Variants in PHKA1 observed in about 807,000 individuals in gnomAD.
PHKA1 encodes phosphorylase b kinase regulatory subunit alpha, skeletal muscle isoform.
PHKA1 carries 60 observed loss-of-function variants against 110.2 expected under a neutral mutation model. The ratio of observed to expected loss-of-function variants is 0.54; its 90% CI spans 0.44 to 0.68. PHKA1 has a LOEUF of 0.68. PHKA1 is among the 30% of genes least tolerant of loss of function. The pLI is 0.00. For synonymous variants in PHKA1, 316 were observed against 333.6 expected (o/e 0.95, Z 0.58); for missense variants, 801 against 942.5 (o/e 0.85, Z 1.97).
rs782170132 is a variant in PHKA1, at chrX:72,656,093, CT to C, written c.1041+26del. 60 of 1,205,474 alleles carry C rather than the reference CT, an allele frequency of 5.0e-5. 1 individual carries two copies. The highest frequency in any genetic ancestry group is 4.6e-4 in the Admixed American group (21 of 45,746). On this transcript the variant is annotated intron_variant, in intron 10 of 31. Transcript: ENST00000373542. ...AAGAAGATATAACAAAAACATTCTG[CT>C]GAAAACTCTTTCCCCAGCTTATTAC...
intron 30 of PHKA1, among the ~76,000 whole-genome samples, chrX:72,583,075 C>T (rs782755294): frequency 1.0e-3 from 114 of 111,590 alleles, no homozygotes; most frequent in Admixed American, 1.9e-3. Flanking sequence ...TGTAAAACAT[C>T]CATATACTAT....
At chrX:72,709,409 C>T (rs139586178) in intron 2 of PHKA1, 5 of 107,391 alleles carry the variant, frequency 4.7e-5, no homozygotes, top group African/African-American at 1.4e-4. Context: ...GTTGCCTAAA[C>T]CCTTGTCCTC....
intron 4 of PHKA1, among the ~76,000 whole-genome samples, chrX:72,694,625 A>G (rs2054084205): frequency 8.9e-6 from 1 of 112,303 alleles, no homozygotes; most frequent in Non-Finnish European, 1.9e-5. Context: ...ATCAAATAAT[A>G]TCTACCTTAT....
chrX:72,705,349 C>T (rs913547097), intron 2 of PHKA1, 104 bp from the exon 3 acceptor site: 9 of 566,814 alleles, frequency 1.6e-5, no homozygotes, highest in Non-Finnish European at 2.7e-5. Flanking sequence ...ACAAGTAACC[C>T]TATCCTGTGT....
intron 12 of PHKA1, among the ~76,000 whole-genome samples, chrX:72,651,079 A>G (rs1345815447): frequency 8.9e-6 from 1 of 111,926 alleles, no homozygotes; most frequent in Non-Finnish European, 1.9e-5. Context: ...TATACATATG[A>G]TTAGATGATT....
chrX:72,638,889 A>G (rs1603261468), intron 14 of PHKA1, among the ~76,000 whole-genome samples: 1 of 112,042 alleles, frequency 8.9e-6, no homozygotes, highest in Middle Eastern at 4.6e-3. Flanking sequence ...CAAATGCCTC[A>G]AAGGTAAACT....
At chrX:72,585,931 G>C (rs1257682863) in intron 29 of PHKA1, among the ~76,000 whole-genome samples, 1 of 112,276 alleles carries the variant, frequency 8.9e-6, no homozygotes, top group African/African-American at 3.2e-5. Flanking sequence ...AGCTTGAACT[G>C]GGTAGAGCCC....
intron 16 of PHKA1, among the ~76,000 whole-genome samples, chrX:72,632,473 G>C (rs1311416112): frequency 9.0e-6 from 1 of 110,837 alleles, no homozygotes; most frequent in East Asian, 2.8e-4. Context: ...TTAATACTGC[G>C]ACCACTGCTT....
intron 4 of PHKA1, among the ~76,000 whole-genome samples, chrX:72,685,558 T>C (rs2053958024): frequency 8.9e-6 from 1 of 112,109 alleles, no homozygotes; most frequent in Non-Finnish European, 1.9e-5. Context: ...GCAGGATATA[T>C]TTCATAAAAT....
intron 8 of PHKA1, among the ~76,000 whole-genome samples, chrX:72,659,222 T>A (rs1413778106): frequency 9.0e-6 from 1 of 111,582 alleles, no homozygotes; most frequent in East Asian, 2.8e-4. Context: ...TTGTTCAAAT[T>A]TTTTCTGCTT....
chrX:72,673,548 G>T (rs1332426165), intron 6 of PHKA1, among the ~76,000 whole-genome samples: 12 of 111,128 alleles, frequency 1.1e-4, no homozygotes. Flanking sequence ...TGGCAAAAAA[G>T]CTCTATATGT....
chrX:72,666,075 T>C, intron 8 of PHKA1, 76 bp downstream of exon 8: 1 of 981,863 alleles, frequency 1.0e-6, no homozygotes, highest in Non-Finnish European at 1.4e-6. Flanking sequence ...ACACAGGTCA[T>C]ACTTAAGGCC....
In PHKA1 at chrX:72,666,306, A is replaced by C; in HGVS notation, c.718-9T>G. On this transcript the variant is annotated splice_polypyrimidine_tract_variant and intron_variant, in intron 7 of 31. Coordinates refer to ENST00000373542, the MANE Select transcript of PHKA1 (RefSeq NM_002637.4). ...AGTGAATTTAGGATAGACTAAGAGA[A>C]AAGAAGTTAAGTTTATATAAAAGGA... The C allele has an allele frequency of 8.3e-7, 1 of 1,200,109 alleles. No homozygotes were observed. The highest frequency in any genetic ancestry group is 1.1e-6 in the Non-Finnish European group (1 of 885,227).
At chrX:72,638,588 T>G (rs2053258066) in intron 14 of PHKA1, among the ~76,000 whole-genome samples, 1 of 111,255 alleles carries the variant, frequency 9.0e-6, no homozygotes, top group South Asian at 3.8e-4. Flanking sequence ...CAGTTTATTT[T>G]AGTAGGCAGA....
intron 4 of PHKA1, among the ~76,000 whole-genome samples, chrX:72,692,456 A>G (rs1036497220): frequency 5.4e-5 from 6 of 111,333 alleles, no homozygotes; most frequent in Admixed American, 3.8e-4. Flanking sequence ...CAGTAAAGCT[A>G]TCTGCACCCG....
At chrX:72,619,339 G>A (rs782460602) in intron 19 of PHKA1, 34 bp from the exon 20 acceptor site, 2 of 835,674 alleles carry the variant, frequency 2.4e-6, no homozygotes, top group Non-Finnish European at 3.6e-6. Context: ...GAAATATTAG[G>A]TAATTAGGAG....
chrX:72,676,144 C>T lies in PHKA1; in HGVS notation c.544G>A (p.Gly182Arg), dbSNP rs1384942899. ...IEAAYKTADFGIWERGDKTNQ... is the reference protein window; with the variant it reads ...IEAAYKTADFRIWERGDKTNQ... ...GTCTTGTCTCCACGTTCCCATATCC[C>T]GAAGTCCTGGCATAAAATAACCAAT... The change falls in exon 6 of 32, where the codon GGG (glycine) becomes AGG (arginine). Residue 182 changes from glycine (G) to arginine (R), a missense_variant. Coordinates refer to ENST00000373542, the MANE Select transcript of PHKA1 (RefSeq NM_002637.4). 2.5e-6 allele frequency: 3 copies of T among 1,199,976 alleles called. No homozygotes were observed. Among genetic ancestry groups the T allele is most frequent in the African/African-American group, 1.8e-5 (1 of 56,586 alleles).
chrX:72,683,808 T>A (rs1556317886), intron 5 of PHKA1, among the ~76,000 whole-genome samples: 1 of 112,633 alleles, frequency 8.9e-6, no homozygotes, highest in Admixed American at 9.3e-5. Flanking sequence ...AGTTCATTCC[T>A]TTTTATTGAT....
intron 14 of PHKA1, among the ~76,000 whole-genome samples, chrX:72,642,973 T>G (rs898433703): frequency 1.8e-5 from 2 of 111,406 alleles, no homozygotes; most frequent in Admixed American, 9.6e-5. Context: ...ATCCATATAC[T>G]CCTAAAGCCA....
Sources: allele counts gnomAD v4.1 joint callset (sites outside exome capture counted in the v4.1 genomes callset), GRCh38; gene constraint gnomAD v4.1.1; transcripts MANE v1.5; gene names NCBI Gene and HGNC (gene_info 2026-07-23, HGNC 2026-07-21).